RNMT: variants seen among roughly 807,000 people sequenced by gnomAD.
The protein encoded by RNMT is RNA guanine-7 methyltransferase.
Under a neutral mutation model 56.0 loss-of-function variants are expected in RNMT, and 27 were observed. The ratio of observed to expected loss-of-function variants is 0.48; its 90% CI spans 0.36 to 0.67. The LOEUF is 0.67. RNMT is among the 30% of genes least tolerant of loss of function. The pLI is 0.00. For synonymous variants in RNMT, 184 were observed against 176.2 expected, an observed-to-expected ratio of 1.04 and a Z score of -0.35; for missense variants, 519 against 552.1, an observed-to-expected ratio of 0.94 and a Z score of 0.60.
Position 13,760,387 on chromosome 18 carries a change from C to T in RNMT, c.*408C>T. ...GAGCATTTTCATAGTGTGCTCATTT[C>T]TATGGTTTTGTTATATAGCATTTTT... On this transcript the variant is annotated 3_prime_UTR_variant, in exon 12 of 12. Coordinates refer to ENST00000383314, the MANE Select transcript of RNMT (RefSeq NM_003799.3). The T allele has an allele frequency of 2.0e-6, 2 of 992,626 alleles. No individual in the cohort carries two copies. Among genetic ancestry groups the T allele is most frequent in the Non-Finnish European group, 2.4e-6 (2 of 834,304 alleles). The allele number at this position is 992,626 out of a possible 1,614,324, so 61.5% of individuals were successfully genotyped here.
intron 1 of RNMT, among the ~76,000 whole-genome samples, chr18:13,727,775 G>A (rs777375055): frequency 6.6e-6 from 1 of 152,100 alleles, no homozygotes; most frequent in Non-Finnish European, 1.5e-5. Context: ...CCCAGTCTGT[G>A]GTAACCACCA....
At chr18:13,749,109 G>A (rs1170584722) in intron 9 of RNMT, among the ~76,000 whole-genome samples, 1 of 152,040 alleles carries the variant, frequency 6.6e-6, no homozygotes, top group East Asian at 1.9e-4. Context: ...AAAAAATAAC[G>A]ATGTTTTACA....
chr18:13,754,186 A>G (rs1331840198), intron 11 of RNMT, 39 bp downstream of exon 11: 8 of 1,392,422 alleles, frequency 5.7e-6, no homozygotes, highest in African/African-American at 1.4e-5. Flanking sequence ...GATAATTTCA[A>G]AAGTCCTGTT....
intron 5 of RNMT, among the ~76,000 whole-genome samples, chr18:13,738,448 GC>G (rs1398004870): frequency 6.6e-6 from 1 of 152,094 alleles, no homozygotes; most frequent in Non-Finnish European, 1.5e-5. Context: ...TATTTTAATA[GC>G]CTTTTTTGAT....
chr18:13,761,494 A>T lies in RNMT; in HGVS notation c.*1515A>T. ...CATCATCATTATTTCCTCTGTTCAC[A>T]TTTACTGGTCTTAATTAACAGGTAA... On this transcript the variant is annotated 3_prime_UTR_variant, in exon 12 of 12. Coordinates refer to ENST00000383314, the MANE Select transcript of RNMT (RefSeq NM_003799.3). 1.0e-6 allele frequency: 1 copy of T among 987,304 alleles called. No individual in the cohort carries two copies. The highest frequency in any genetic ancestry group is 1.2e-6 in the Non-Finnish European group (1 of 831,106). The allele number at this position is 987,304 out of a possible 1,614,324, so 61.2% of individuals were successfully genotyped here. A position where few individuals can be genotyped will look rare whatever the true frequency, so the allele number is the denominator to read the frequency against.
At position 13,734,617 on chromosome 18, in the gene RNMT, G is replaced by A; in HGVS notation, c.553+18G>A. On this transcript the variant is annotated intron_variant, in intron 4 of 11. Coordinates refer to ENST00000383314, the MANE Select transcript of RNMT (RefSeq NM_003799.3). ...TCTCATTGGTATGATCCAACACCAA[G>A]CTACTGAGTCTTTAATTCCTATTCA... The A allele has an allele frequency of 6.3e-7, 1 of 1,584,228 alleles. No individual in the cohort carries two copies. Among genetic ancestry groups the A allele is most frequent in the East Asian group, 2.3e-5 (1 of 44,314 alleles).
chr18:13,731,447 A>G, intron 2 of RNMT, 29 bp from the exon 3 acceptor site: 1 of 1,263,318 alleles, frequency 7.9e-7, no homozygotes, highest in Non-Finnish European at 1.1e-6. Flanking sequence ...TAGTGTTTAC[A>G]AGTAATACCA....
chr18:13,746,263 T>G lies in RNMT; in HGVS notation c.1183T>G (p.Phe395Val), dbSNP rs756116618. 6.4e-7 allele frequency: 1 copy of G among 1,573,786 alleles called. No homozygotes were observed. Among genetic ancestry groups the G allele is most frequent in the South Asian group, 1.1e-5 (1 of 88,534 alleles). The change falls in exon 9 of 12, where the codon TTT (phenylalanine) becomes GTT (valine). Residue 395 changes from phenylalanine (F) to valine (V), a missense_variant. Coordinates refer to ENST00000383314, the MANE Select transcript of RNMT (RefSeq NM_003799.3). ...TATGAAACTAGTCTACAAAAAAACATTTCTGGAATTCTACGAAGAAAAGAT... is the reference window on the plus strand; with the variant it reads ...TATGAAACTAGTCTACAAAAAAACAGTTCTGGAATTCTACGAAGAAAAGAT... ...YNMKLVYKKTFLEFYEEKIKN... is the reference protein window; with the variant it reads ...YNMKLVYKKTVLEFYEEKIKN...
At chr18:13,755,077 G>A (rs1412881968) in intron 11 of RNMT, among the ~76,000 whole-genome samples, 2 of 152,224 alleles carry the variant, frequency 1.3e-5, no homozygotes, top group African/African-American at 4.8e-5. Flanking sequence ...TGAGGCACAA[G>A]TGGTCATTAA....
At chr18:13,751,603 A>C (rs949253132) in intron 9 of RNMT, among the ~76,000 whole-genome samples, 162 of 152,324 alleles carry the variant, frequency 1.1e-3, no homozygotes, top group African/African-American at 3.8e-3. Context: ...TTGACCCAGC[A>C]ATCCCATTAC....
rs528465370 is a variant in RNMT at position 13,750,562 on chromosome 18, G to A, written c.1258-1764G>A. On this transcript the variant is annotated intron_variant, in intron 9 of 11. Coordinates refer to ENST00000383314, the MANE Select transcript of RNMT (RefSeq NM_003799.3). ...CACCTGTGATCTCAGCGCTTTGGGA[G>A]GCTGAGGTAGGAGAATTCTTTGAGA... Among the ~76,000 whole-genome samples the A allele has an allele frequency of 5.1e-4, 78 of 152,010 alleles. 2 individuals are homozygous for A. The highest frequency in any genetic ancestry group is 5.7e-4 in the Non-Finnish European group (39 of 68,000).
At chr18:13,728,734 T>G (rs766302959) in intron 1 of RNMT, among the ~76,000 whole-genome samples, 1 of 152,180 alleles carries the variant, frequency 6.6e-6, no homozygotes, top group Non-Finnish European at 1.5e-5. Context: ...CTGATATTAC[T>G]GATATTGAGC....
chr18:13,737,005 T>C lies in RNMT; in HGVS notation c.554-5T>C. ...AGTTTATTGTGACTGATTTCTCTCT[T>C]TTAGGAGAATTTTTGGAAAAGGTAC... On this transcript the variant is annotated splice_polypyrimidine_tract_variant and splice_region_variant and intron_variant, in intron 4 of 11. Coordinates refer to ENST00000383314, the MANE Select transcript of RNMT (RefSeq NM_003799.3). 2.5e-6 allele frequency: 4 copies of C among 1,611,692 alleles called. No individual in the cohort carries two copies. Among genetic ancestry groups the C allele is most frequent in the Non-Finnish European group, 3.4e-6 (4 of 1,178,828 alleles).
In RNMT at chr18:13,764,375, A is replaced by C. The variant is rs1327774724; in HGVS notation, c.*4396A>C. ...AACCACTATCCTGAGTTCTAAGCGCATAGATTAGTTCTGTCTGGTTTGGGG... is the reference window on the plus strand; with the variant it reads ...AACCACTATCCTGAGTTCTAAGCGCCTAGATTAGTTCTGTCTGGTTTGGGG... On this transcript the variant is annotated 3_prime_UTR_variant, in exon 12 of 12. Transcript: ENST00000383314. 6.6e-6 allele frequency: 1 copy of C among 152,182 alleles called. No individual in the cohort carries two copies. The highest frequency in any genetic ancestry group is 1.9e-4 in the East Asian group (1 of 5,190). The allele number at this position is 152,182 out of a possible 1,614,324, so 9.4% of individuals were successfully genotyped here. A position where few individuals can be genotyped will look rare whatever the true frequency, so the allele number is the denominator to read the frequency against.
intron 5 of RNMT, among the ~76,000 whole-genome samples, chr18:13,739,593 G>T (rs2044219095): frequency 6.6e-6 from 1 of 152,158 alleles, no homozygotes; most frequent in Non-Finnish European, 1.5e-5. Flanking sequence ...GACCAGCCTG[G>T]CCAATGTGGT....
intron 9 of RNMT, among the ~76,000 whole-genome samples, chr18:13,748,015 G>A (rs1003372064): frequency 1.3e-5 from 2 of 152,168 alleles, no homozygotes; most frequent in African/African-American, 4.8e-5. Flanking sequence ...AATCTACTTA[G>A]GTATGGTAGG....
intron 6 of RNMT, 89 bp from the exon 7 acceptor site, chr18:13,741,421 A>T (rs2044248716): frequency 1.3e-6 from 1 of 791,322 alleles, no homozygotes; most frequent in Non-Finnish European, 2.0e-6. Flanking sequence ...GAAAGGAAGA[A>T]CCTTACATTC....
chr18:13,762,048 T>A lies in RNMT; in HGVS notation c.*2069T>A. 6.5e-7 allele frequency: 1 copy of A among 1,536,042 alleles called. No individual in the cohort carries two copies. Among genetic ancestry groups the A allele is most frequent in the Non-Finnish European group, 8.7e-7 (1 of 1,146,862 alleles). Reference sequence around the variant, plus strand: ...TCGGTATTCTATTCAGGACTTACGGTAACTATTATGAGGGAGGCATGGCTT... The same window carrying A: ...TCGGTATTCTATTCAGGACTTACGGAAACTATTATGAGGGAGGCATGGCTT... On this transcript the variant is annotated 3_prime_UTR_variant, in exon 12 of 12. Transcript: ENST00000383314.
intron 8 of RNMT, among the ~76,000 whole-genome samples, chr18:13,744,848 C>T (rs1312549144): frequency 6.6e-6 from 1 of 152,172 alleles, no homozygotes; most frequent in African/African-American, 2.4e-5. Context: ...TCCAGGCTCC[C>T]TCTTGTTGTC....
Sources: gnomAD v4.1 joint callset for allele counts (sites outside exome capture counted in the v4.1 genomes callset) on GRCh38, gnomAD v4.1.1 for gene constraint, MANE v1.5 for transcripts, NCBI Gene and HGNC (gene_info 2026-07-23, HGNC 2026-07-21) for gene names.